SIPA1L1: variants seen among roughly 807,000 people sequenced by gnomAD.
SIPA1L1 encodes the protein signal induced proliferation associated 1 like 1, also known as signal-induced proliferation-associated 1-like protein 1.
In SIPA1L1, 26 loss-of-function variants were observed where a neutral mutation model predicts 162.7. The observed-to-expected ratio is 0.16, with a 90% confidence interval of 0.12 to 0.22. The LOEUF (loss-of-function observed/expected upper bound fraction) is 0.22, where lower values mean the gene tolerates loss of function less well. Among genes scored for constraint, SIPA1L1 ranks in the 10% least tolerant of loss-of-function variants. The pLI is 1.00. For synonymous variants in SIPA1L1, 829 were observed against 837.4 expected (o/e 0.99, Z 0.17); for missense variants, 1,874 against 2,241.0 (o/e 0.84, Z 3.31).
chr14:71,701,800 T>C (rs1483109450), intron 14 of SIPA1L1, among the ~76,000 whole-genome samples: 1 of 152,216 alleles, frequency 6.6e-6, no homozygotes, highest in Non-Finnish European at 1.5e-5. Context: ...GCTTCCAAAT[T>C]GCCCTTCCCA....
At chr14:71,581,198 TC>T in intron 4 of SIPA1L1, among the ~76,000 whole-genome samples, 2 of 152,240 alleles carry the variant, frequency 1.3e-5, no homozygotes, top group East Asian at 1.9e-4. Context: ...GGTGGTGTTT[TC>T]TGCTTTTTAA....
At chr14:71,403,074 G>C (rs1054856269) in intron 2 of SIPA1L1, among the ~76,000 whole-genome samples, 1 of 151,956 alleles carries the variant, frequency 6.6e-6, no homozygotes, top group Non-Finnish European at 1.5e-5. Context: ...TGAAATATGT[G>C]CCCCTATTAA....
chr14:71,537,686 TTC>T (rs945657665), intron 4 of SIPA1L1, among the ~76,000 whole-genome samples: 2 of 152,074 alleles, frequency 1.3e-5, no homozygotes, highest in African/African-American at 4.8e-5. Context: ...TCATTTCCTT[TTC>T]TCTCTCTCTC....
intron 5 of SIPA1L1, among the ~76,000 whole-genome samples, chr14:71,600,292 T>C (rs2036575082): frequency 6.6e-6 from 1 of 152,172 alleles, no homozygotes; most frequent in Non-Finnish European, 1.5e-5. Flanking sequence ...TGATTTTGTA[T>C]ATAGCGAGAG....
rs769369147 is a variant in SIPA1L1 at position 71,730,061 on chromosome 14, G to T, written c.4621G>T (p.Ala1541Ser). 59 of 1,613,128 alleles carry T rather than the reference G, an allele frequency of 3.7e-5. No individual in the cohort carries two copies. The highest frequency in any genetic ancestry group is 4.7e-5 in the Non-Finnish European group (55 of 1,179,614). The change falls in exon 20 of 24, where the codon GCA becomes TCA. Residue 1541 changes from alanine (A) to serine (S), a missense_variant. Ala to Ser is a moderately conservative substitution (Grantham distance 99). Transcript: ENST00000381232. ...PESQKSFKFHALSSPQSPFPS... is the reference protein window; with the variant it reads ...PESQKSFKFHSLSSPQSPFPS... ...TCTTGATCCTGTTTTTCAGTTCCAC[G>T]CACTCTCCTCTCCTCAGTCTCCTTT...
At chr14:71,420,550 A>G (rs1013785817) in intron 2 of SIPA1L1, among the ~76,000 whole-genome samples, 2 of 152,214 alleles carry the variant, frequency 1.3e-5, no homozygotes, top group Non-Finnish European at 2.9e-5. Context: ...CAGATCACTC[A>G]GTCTTCACTA....
At chr14:71,738,936 C>T (rs1006897677) in intron 23 of SIPA1L1, 82 bp from the exon 24 acceptor site, 34 of 1,454,342 alleles carry the variant, frequency 2.3e-5, no homozygotes, top group African/African-American at 5.7e-5. Flanking sequence ...AAGATCAAAA[C>T]GGGTCCATAG....
intron 2 of SIPA1L1, among the ~76,000 whole-genome samples, chr14:71,407,384 A>G (rs1452413510): frequency 6.6e-6 from 1 of 151,562 alleles, no homozygotes; most frequent in African/African-American, 2.4e-5. Context: ...TGAATTTTGA[A>G]TTTTCTTTTC....
chr14:71,354,039 C>CTG (rs2140681571), intron 2 of SIPA1L1, among the ~76,000 whole-genome samples: 1 of 152,072 alleles, frequency 6.6e-6, no homozygotes, highest in South Asian at 2.1e-4. Context: ...ATGAAATACT[C>CTG]AAACAATTTT....
intron 7 of SIPA1L1, among the ~76,000 whole-genome samples, chr14:71,647,754 G>A (rs1442366017): frequency 6.6e-6 from 1 of 152,116 alleles, no homozygotes; most frequent in Non-Finnish European, 1.5e-5. Context: ...ACCTAATAGG[G>A]TACTTAGCTC....
rs7158589 is a variant in SIPA1L1, at chr14:71,520,926, A to T, written c.-362+8081A>T. On this transcript the variant is annotated intron_variant, in intron 3 of 23. Coordinates refer to ENST00000381232, the MANE Select transcript of SIPA1L1 (RefSeq NM_001386936.1). ...CACCACCATGTTTGGTTAATTTTTT[A>T]ATTTTTTTGTACGGATGGGGTTTCG... Among the ~76,000 whole-genome samples, 498 of 151,904 alleles carry T rather than the reference A, an allele frequency of 3.3e-3. 3 individuals carry two copies. The highest frequency in any genetic ancestry group is 0.011 in the African/African-American group (473 of 41,428).
At chr14:71,726,207 C>G (rs994745053) in intron 19 of SIPA1L1, among the ~76,000 whole-genome samples, 1 of 152,184 alleles carries the variant, frequency 6.6e-6, no homozygotes, top group African/African-American at 2.4e-5. Context: ...TGTAGCCATT[C>G]TTGATTTCTG....
Position 71,501,998 on chromosome 14 carries a change from A to G in SIPA1L1, c.-464-10745A>G, listed in dbSNP as rs553817117. ...GAAGTAGAGGCTGCTGTGAACTGCCAGTACACTCTACCCTGGGCGACATAG... is the reference window on the plus strand; with the variant it reads ...GAAGTAGAGGCTGCTGTGAACTGCCGGTACACTCTACCCTGGGCGACATAG... On this transcript the variant is annotated intron_variant, in intron 2 of 23. Transcript: ENST00000381232. Among the ~76,000 whole-genome samples the G allele has an allele frequency of 4.0e-5, 6 of 150,046 alleles. No homozygotes were observed. The East Asian group carries it at 9.8e-4, about 24-fold the overall frequency.
chr14:71,325,369 C>T (rs1244600010), intron 2 of SIPA1L1, among the ~76,000 whole-genome samples: 1 of 152,048 alleles, frequency 6.6e-6, no homozygotes. Context: ...ATTCAGTGGA[C>T]TGTTGATGAG....
intron 2 of SIPA1L1, among the ~76,000 whole-genome samples, chr14:71,487,627 C>T (rs1348785974): frequency 6.6e-6 from 1 of 152,130 alleles, no homozygotes; most frequent in African/African-American, 2.4e-5. Context: ...CTACCTAGAG[C>T]TCTCCAGTGT....
At chr14:71,641,134 T>C (rs780683948) in intron 7 of SIPA1L1, among the ~76,000 whole-genome samples, 1 of 152,114 alleles carries the variant, frequency 6.6e-6, no homozygotes, top group Admixed American at 6.5e-5. Context: ...ATATATATGA[T>C]TGAATTTCCA....
chr14:71,390,934 T>C (rs1342104974), intron 2 of SIPA1L1, among the ~76,000 whole-genome samples: 3 of 152,162 alleles, frequency 2.0e-5, no homozygotes, highest in African/African-American at 7.2e-5. Context: ...GGTGACAATA[T>C]ATCTTGCTTC....
At chr14:71,629,487 A>G (rs562648952) in intron 7 of SIPA1L1, among the ~76,000 whole-genome samples, 18 of 152,230 alleles carry the variant, frequency 1.2e-4, no homozygotes, top group East Asian at 7.7e-4. Flanking sequence ...TTCCCTCCCC[A>G]TGAATGGAAG....
chr14:71,505,949 T>C (rs150486423), intron 2 of SIPA1L1, among the ~76,000 whole-genome samples: 2 of 150,488 alleles, frequency 1.3e-5, no homozygotes, highest in East Asian at 3.9e-4. Flanking sequence ...TCATTATGGA[T>C]ATGCAAATAT....
Sources: gnomAD v4.1 joint callset for allele counts (sites outside exome capture counted in the v4.1 genomes callset) on GRCh38, gnomAD v4.1.1 for gene constraint, MANE v1.5 for transcripts, NCBI Gene and HGNC (gene_info 2026-07-23, HGNC 2026-07-21) for gene names.